The following TSC22D1 variants were observed in gnomAD, a reference collection of about 807,000 sequenced individuals.
TSC22D1 encodes TSC22 domain family protein 1.
TSC22D1 carries 9 observed loss-of-function variants against 74.2 expected under a neutral mutation model. The ratio of observed to expected loss-of-function variants is 0.12; its 90% confidence interval spans 0.07 to 0.21. The LOEUF (loss-of-function observed/expected upper bound fraction) is 0.21, where lower values mean the gene tolerates loss of function less well. Ranked by LOEUF, TSC22D1 falls within the 10% of genes least tolerant of loss-of-function variation. The pLI, the probability that TSC22D1 is intolerant of heterozygous loss-of-function variation, is 1.00. For missense variants in TSC22D1, 1,427 were observed against 1,304.7 expected (o/e 1.09, Z -1.44); for synonymous variants, 586 against 492.5 (o/e 1.19, Z -2.51).
chr13:44,550,124 T>G (rs949081834), intron 1 of TSC22D1, among the ~76,000 whole-genome samples: 2 of 152,172 alleles, frequency 1.3e-5, no homozygotes, highest in Non-Finnish European at 2.9e-5. Flanking sequence ...CACCATTAAA[T>G]TAACAATTTT....
intron 1 of TSC22D1, among the ~76,000 whole-genome samples, chr13:44,555,348 C>T (rs2138172109): frequency 1.3e-5 from 2 of 152,118 alleles, no homozygotes; most frequent in Admixed American, 1.3e-4. Context: ...GTGCGTCATG[C>T]CTGTAATCTC....
chr13:44,494,168 G>A (rs1327848430), intron 1 of TSC22D1, among the ~76,000 whole-genome samples: 2 of 151,900 alleles, frequency 1.3e-5, no homozygotes, highest in Admixed American at 6.6e-5. Flanking sequence ...TTGAGGTCAG[G>A]AGTTTGAGAC....
At chr13:44,482,273 G>A (rs1193362783) in intron 1 of TSC22D1, among the ~76,000 whole-genome samples, 2 of 152,124 alleles carry the variant, frequency 1.3e-5, no homozygotes, top group Non-Finnish European at 2.9e-5. Context: ...AGTGGCTCAC[G>A]CCTGTAATCC....
At chr13:44,520,357 T>C (rs1192789900) in intron 1 of TSC22D1, among the ~76,000 whole-genome samples, 1 of 152,114 alleles carries the variant, frequency 6.6e-6, no homozygotes, top group Admixed American at 6.6e-5. Flanking sequence ...GGTACACATA[T>C]GACTAGATAC....
chr13:44,455,392 G>A (rs528424521), intron 1 of TSC22D1, among the ~76,000 whole-genome samples: 5 of 152,276 alleles, frequency 3.3e-5, no homozygotes, highest in Admixed American at 1.3e-4. Flanking sequence ...TCTCACTTTT[G>A]CTATCTTGGT....
At chr13:44,498,229 T>C (rs9595140) in intron 1 of TSC22D1, among the ~76,000 whole-genome samples, 2,661 of 149,764 alleles carry the variant, frequency 0.018, 65 homozygotes, top group African/African-American at 0.061. Flanking sequence ...GACTGGGAGG[T>C]TGAGGCTACA....
chr13:44,522,193 C>T (rs1880348427), intron 1 of TSC22D1, among the ~76,000 whole-genome samples: 1 of 152,066 alleles, frequency 6.6e-6, no homozygotes, highest in South Asian at 2.1e-4. Context: ...TAGGAATCCC[C>T]TAAGGTAGTA....
rs961258353 is a variant in TSC22D1, at chr13:44,538,958, C to A, written c.2912+34205G>T. ...TACCTGGAGTCACAGAAGGAATCCA[C>A]CAAGGAAAAATGAAAACTTGCCAAA... On this transcript the variant is annotated intron_variant, in intron 1 of 2. Transcript: ENST00000458659. 3.0e-6 allele frequency: 3 copies of A among 985,222 alleles called. No homozygotes were observed. The African/African-American group carries it at 5.2e-5, about 17-fold the overall frequency. 61.0% of individuals were successfully genotyped at this position (985,222 alleles called of 1,614,324 possible).
intron 1 of TSC22D1, among the ~76,000 whole-genome samples, chr13:44,464,208 ATAATAGTATTTTAGTGTGACTG>A (rs1877145524): frequency 6.6e-6 from 1 of 152,252 alleles, no homozygotes; most frequent in Non-Finnish European, 1.5e-5. Flanking sequence ...TGTAAAAATA[ATAATAGTATTTTAGTGTGACTG>A]TAATAGAAGA....
intron 1 of TSC22D1, among the ~76,000 whole-genome samples, chr13:44,470,468 A>T (rs976680026): frequency 2.0e-5 from 3 of 152,178 alleles, no homozygotes; most frequent in African/African-American, 7.2e-5. Flanking sequence ...CATTCATACA[A>T]ATGATGTACA....
intron 1 of TSC22D1, chr13:44,536,954 A>T (rs9533899): frequency 1.8e-6 from 1 of 565,618 alleles, no homozygotes; most frequent in African/African-American, 3.2e-5. Context: ...AAAAAAAAAA[A>T]AAAAACAAAA....
chr13:44,554,481 G>A (rs1882491594), intron 1 of TSC22D1, among the ~76,000 whole-genome samples: 1 of 151,986 alleles, frequency 6.6e-6, no homozygotes, highest in Non-Finnish European at 1.5e-5. Flanking sequence ...ATGCTTGAGT[G>A]TACTAGACGA....
chr13:44,485,905 G>A (rs9595135), intron 1 of TSC22D1, among the ~76,000 whole-genome samples: 52,166 of 151,746 alleles, frequency 0.34, 9,223 homozygotes, highest in Non-Finnish European at 0.39. Flanking sequence ...CTGTTGTAAG[G>A]CTTCTGTATT....
At chr13:44,474,502 A>T (rs1877784737) in intron 1 of TSC22D1, among the ~76,000 whole-genome samples, 1 of 152,180 alleles carries the variant, frequency 6.6e-6, no homozygotes, top group African/African-American at 2.4e-5. Context: ...GATTTTCTTT[A>T]GGTTTTCTTA....
At chr13:44,471,048 T>C (rs1316853971) in intron 1 of TSC22D1, among the ~76,000 whole-genome samples, 1 of 152,244 alleles carries the variant, frequency 6.6e-6, no homozygotes, top group African/African-American at 2.4e-5. Flanking sequence ...TTAAAAGTTC[T>C]GGCATATAAA....
At chr13:44,446,142 C>T (rs1016472013) in intron 1 of TSC22D1, among the ~76,000 whole-genome samples, 2 of 152,132 alleles carry the variant, frequency 1.3e-5, no homozygotes, top group Non-Finnish European at 2.9e-5. Context: ...GATAAACAAA[C>T]CATGGTACAT....
At chr13:44,494,930 C>A (rs1878897161) in intron 1 of TSC22D1, among the ~76,000 whole-genome samples, 1 of 151,830 alleles carries the variant, frequency 6.6e-6, no homozygotes, top group African/African-American at 2.4e-5. Flanking sequence ...TAAAAAGGAA[C>A]CAAAGAGAAA....
At chr13:44,571,574 G>T (rs146632629) in intron 1 of TSC22D1, among the ~76,000 whole-genome samples, 206 of 152,218 alleles carry the variant, frequency 1.4e-3, no homozygotes, top group African/African-American at 4.2e-3. Flanking sequence ...TCTAAACTTA[G>T]CATCCACATA....
At chr13:44,537,583 A>T (rs909975516) in intron 1 of TSC22D1, 19 of 984,932 alleles carry the variant, frequency 1.9e-5, no homozygotes, top group African/African-American at 1.0e-4. Flanking sequence ...GTTCTTCCTA[A>T]AACGATGGAC....
Sources: gnomAD v4.1 joint callset for allele counts (sites outside exome capture counted in the v4.1 genomes callset) on GRCh38, gnomAD v4.1.1 for gene constraint, MANE v1.5 for transcripts, NCBI Gene and HGNC (gene_info 2026-07-23, HGNC 2026-07-21) for gene names.